Variants in C1orf21 observed in about 807,000 individuals in gnomAD.
C1orf21 encodes chromosome 1 open reading frame 21.
C1orf21 carries 3 observed loss-of-function variants against 18.7 expected under a neutral mutation model. The ratio of observed to expected loss-of-function variants is 0.16; its 90% CI spans 0.07 to 0.42. The LOEUF is 0.42. Ranked by LOEUF, C1orf21 falls within the 10% of genes least tolerant of loss-of-function variation. The pLI is 0.99. For synonymous variants in C1orf21, 41 were observed against 46.4 expected (o/e 0.88, Z 0.47); for missense variants, 104 against 143.6 (o/e 0.72, Z 1.41).
chr1:184,484,135 G>C (rs1028757761), intron 2 of C1orf21, among the ~76,000 whole-genome samples: 10 of 151,904 alleles, frequency 6.6e-5, no homozygotes, highest in Non-Finnish European at 1.3e-4. Flanking sequence ...CACCATTTTG[G>C]CCAGGCTGGT....
chr1:184,556,301 G>A, intron 3 of C1orf21, among the ~76,000 whole-genome samples: 1 of 152,140 alleles, frequency 6.6e-6, no homozygotes, highest in East Asian at 1.9e-4. Flanking sequence ...TTCATACCAG[G>A]TATACTCCTT....
intron 1 of C1orf21, among the ~76,000 whole-genome samples, chr1:184,401,781 A>C (rs1656156758): frequency 6.6e-6 from 1 of 151,384 alleles, no homozygotes; most frequent in Non-Finnish European, 1.5e-5. Context: ...TTTACAGCAA[A>C]AAAAAAAAAC....
At chr1:184,506,565 T>C (rs1418062001) in intron 2 of C1orf21, among the ~76,000 whole-genome samples, 2 of 152,214 alleles carry the variant, frequency 1.3e-5, no homozygotes, top group Non-Finnish European at 2.9e-5. Flanking sequence ...AGTTAGACAT[T>C]ACTTCATGCT....
At chr1:184,479,378 G>A (rs533520800) in intron 2 of C1orf21, among the ~76,000 whole-genome samples, 10 of 152,268 alleles carry the variant, frequency 6.6e-5, no homozygotes, top group East Asian at 5.8e-4. Flanking sequence ...TTATGGAGCC[G>A]TCACCATGTG....
intron 3 of C1orf21, chr1:184,567,442 CT>C: frequency 2.2e-5 from 12 of 539,796 alleles, no homozygotes; most frequent in South Asian, 1.4e-5. Flanking sequence ...CTCCAGATGC[CT>C]TTTTCCAGAT....
chr1:184,425,888 A>G (rs1656629773), intron 1 of C1orf21, among the ~76,000 whole-genome samples: 1 of 152,186 alleles, frequency 6.6e-6, no homozygotes, highest in East Asian at 1.9e-4. Flanking sequence ...CCGCCACTAG[A>G]AGAGAGTTCC....
chr1:184,628,775 C>T lies in C1orf21; in HGVS notation c.*9219C>T, dbSNP rs1660058504. The T allele has an allele frequency of 1.3e-5, 2 of 152,542 alleles. No homozygotes were observed. Among genetic ancestry groups the T allele is most frequent in the Admixed American group, 6.5e-5 (1 of 15,278 alleles). 9.4% of individuals were successfully genotyped at this position (152,542 alleles called of 1,614,324 possible). On this transcript the variant is annotated 3_prime_UTR_variant, in exon 6 of 6. Transcript: ENST00000235307. The stretch of plus-strand genomic sequence containing the variant: ...CACTGGCAATATCCCCAGCTCTCTC[C>T]TGATTGGAATTCTTTGAACCCTCGA...
At chr1:184,490,812 G>C (rs547315367) in intron 2 of C1orf21, among the ~76,000 whole-genome samples, 2 of 151,828 alleles carry the variant, frequency 1.3e-5, no homozygotes, top group African/African-American at 4.8e-5. Context: ...AGATGAGACC[G>C]TTTACCAGGA....
intron 1 of C1orf21, among the ~76,000 whole-genome samples, chr1:184,466,540 AAT>A (rs1380649081): frequency 1.3e-5 from 2 of 152,246 alleles, no homozygotes; most frequent in Non-Finnish European, 2.9e-5. Context: ...TCTTGAGAGC[AAT>A]ATGAGAACTG....
intron 4 of C1orf21, among the ~76,000 whole-genome samples, chr1:184,594,708 C>A (rs997727449): frequency 6.6e-6 from 1 of 152,100 alleles, no homozygotes; most frequent in South Asian, 2.1e-4. Flanking sequence ...GGTCAGAAGT[C>A]CCCTCCTGCA....
At chr1:184,477,683 A>G in intron 2 of C1orf21, 80 bp downstream of exon 2, 1 of 1,122,348 alleles carries the variant, frequency 8.9e-7, no homozygotes, top group African/African-American at 1.6e-5. Context: ...ATATTTGTAC[A>G]TATTTATGGG....
chr1:184,403,352 T>G (rs1324042594), intron 1 of C1orf21, among the ~76,000 whole-genome samples: 1 of 152,192 alleles, frequency 6.6e-6, no homozygotes, highest in Admixed American at 6.5e-5. Context: ...ACAATATGAT[T>G]CTATTTATGT....
At chr1:184,440,482 C>A (rs941994710) in intron 1 of C1orf21, among the ~76,000 whole-genome samples, 2 of 151,068 alleles carry the variant, frequency 1.3e-5, no homozygotes, top group Non-Finnish European at 1.5e-5. Context: ...AAACCCCTGA[C>A]CTCAGGTGAT....
intron 5 of C1orf21, among the ~76,000 whole-genome samples, chr1:184,600,791 T>C (rs1659575329): frequency 6.6e-6 from 1 of 152,182 alleles, no homozygotes; most frequent in Non-Finnish European, 1.5e-5. Flanking sequence ...GGCAATTTTC[T>C]CTCCTCTCTG....
Position 184,426,667 on chromosome 1 carries a change from G to A in C1orf21, c.-125+39299G>A, listed in dbSNP as rs906808848. On this transcript the variant is annotated intron_variant, in intron 1 of 5. Coordinates refer to ENST00000235307, the MANE Select transcript of C1orf21 (RefSeq NM_030806.4). ...TTTCCTCAGAGAAATCTTCCCTAAT[G>A]TGCCTCTCTTAGCATCAGGTACTTT... 3.8e-4 allele frequency among the ~76,000 whole-genome samples: 58 copies of A among 152,240 alleles called. 1 individual carries two copies. The highest frequency in any genetic ancestry group is 1.3e-3 in the African/African-American group (54 of 41,546).
At chr1:184,555,114 G>A (rs1207503105) in intron 3 of C1orf21, among the ~76,000 whole-genome samples, 1 of 152,150 alleles carries the variant, frequency 6.6e-6, no homozygotes, top group Non-Finnish European at 1.5e-5. Context: ...CAGGGCATAA[G>A]TTTTTGCCAT....
intron 1 of C1orf21, among the ~76,000 whole-genome samples, chr1:184,413,657 C>T (rs559881545): frequency 6.6e-6 from 1 of 152,274 alleles, no homozygotes; most frequent in South Asian, 2.1e-4. Context: ...CTGGCTGTCT[C>T]ACTGTGGGGA....
rs1247687499 is a variant in C1orf21 at position 184,627,127 on chromosome 1, C to G, written c.*7571C>G. The G allele has an allele frequency of 6.6e-6, 1 of 152,502 alleles. No homozygotes were observed. Among genetic ancestry groups the G allele is most frequent in the East Asian group, 1.9e-4 (1 of 5,162 alleles). The allele number at this position is 152,502 out of a possible 1,614,324, so 9.4% of individuals were successfully genotyped here. ...AGTGGAAAATACCCATAGGCCTAGA[C>G]AGCTGTGGAGGGAAGACCTCGTGGG... On this transcript the variant is annotated 3_prime_UTR_variant, in exon 6 of 6. Transcript: ENST00000235307.
At chr1:184,418,940 A>C (rs953042882) in intron 1 of C1orf21, among the ~76,000 whole-genome samples, 2 of 152,116 alleles carry the variant, frequency 1.3e-5, no homozygotes, top group Admixed American at 1.3e-4. Context: ...ATAAAAGTAC[A>C]GCTTCTTTTT....
Sources: gnomAD v4.1 joint callset for allele counts (sites outside exome capture counted in the v4.1 genomes callset) on GRCh38, gnomAD v4.1.1 for gene constraint, MANE v1.5 for transcripts, NCBI Gene and HGNC (gene_info 2026-07-23, HGNC 2026-07-21) for gene names.